Variants in LAMA3 observed in about 807,000 individuals in gnomAD.
The protein encoded by LAMA3 is laminin subunit alpha 3, also known as laminin subunit alpha-3.
Under a neutral mutation model 402.0 loss-of-function variants are expected in LAMA3, and 281 were observed. The ratio of observed to expected loss-of-function variants is 0.70; its 90% CI spans 0.63 to 0.77. The LOEUF (loss-of-function observed/expected upper bound fraction) is 0.77, where lower values mean the gene tolerates loss of function less well. LAMA3 is among the 30% of genes least tolerant of loss of function. The probability of loss-of-function intolerance (pLI) is 0.00; values close to 1 mark genes in which losing one functional copy is unlikely to be tolerated. For synonymous variants in LAMA3, 1,431 were observed against 1,558.4 expected (o/e 0.92, Z 1.93); for missense variants, 3,840 against 4,215.5 (o/e 0.91, Z 2.47).
chr18:23,915,003 C>T (rs1006737273), intron 58 of LAMA3, 143 bp downstream of exon 58: 2 of 769,262 alleles, frequency 2.6e-6, no homozygotes, highest in East Asian at 2.7e-5. Flanking sequence ...TACTAGCTAA[C>T]ACTTATTGAG....
chr18:23,954,355 A>G, intron 74 of LAMA3, 148 bp from the exon 75 acceptor site: 1 of 685,436 alleles, frequency 1.5e-6, no homozygotes, highest in South Asian at 1.8e-5. Flanking sequence ...GAGAGCTGTG[A>G]TCACACTACT....
At chr18:23,928,489 A>G (rs2082072623) in intron 63 of LAMA3, 136 bp from the exon 64 acceptor site, 5 of 964,282 alleles carry the variant, frequency 5.2e-6, no homozygotes, top group Non-Finnish European at 6.7e-6. Context: ...ATTATGCAGA[A>G]AAGTAAGCTC....
At chr18:23,761,366 C>A (rs1426698825) in intron 7 of LAMA3, among the ~76,000 whole-genome samples, 1 of 152,212 alleles carries the variant, frequency 6.6e-6, no homozygotes, top group African/African-American at 2.4e-5. Context: ...AGATTATTCC[C>A]ATACGATTAC....
At chr18:23,799,787 C>G (rs1034691116) in intron 12 of LAMA3, among the ~76,000 whole-genome samples, 3 of 152,050 alleles carry the variant, frequency 2.0e-5, no homozygotes, top group Non-Finnish European at 4.4e-5. Context: ...CATGCGATTG[C>G]GAGGGCTGAC....
intron 72 of LAMA3, 112 bp downstream of exon 72, chr18:23,950,271 G>A (rs1369282560): frequency 8.3e-7 from 1 of 1,200,748 alleles, no homozygotes; most frequent in Non-Finnish European, 1.2e-6. Context: ...TTGTATTTAA[G>A]AGCCTTGACT....
chr18:23,849,134 G>GT (rs2063889089), intron 32 of LAMA3, among the ~76,000 whole-genome samples: 1 of 152,218 alleles, frequency 6.6e-6, no homozygotes, highest in Non-Finnish European at 1.5e-5. Context: ...TTCTCAGGTA[G>GT]TGGGGGGTAG....
chr18:23,709,320 A>C (rs553200965), intron 1 of LAMA3, among the ~76,000 whole-genome samples: 1 of 151,898 alleles, frequency 6.6e-6, no homozygotes, highest in East Asian at 1.9e-4. Context: ...CAATCTGCCC[A>C]TCTTGGCCTC....
chr18:23,842,863 T>G, intron 29 of LAMA3, 113 bp downstream of exon 29: 1 of 1,359,086 alleles, frequency 7.4e-7, no homozygotes, highest in East Asian at 2.3e-5. Flanking sequence ...GTCATATTTG[T>G]AGAAAAATGT....
intron 62 of LAMA3, among the ~76,000 whole-genome samples, chr18:23,927,708 G>T (rs1324540131): frequency 6.6e-6 from 1 of 152,084 alleles, no homozygotes; most frequent in Non-Finnish European, 1.5e-5. Context: ...AGCACTCCTG[G>T]TTCCTACAAA....
rs1283547413 is a variant in LAMA3 at position 23,689,801 on chromosome 18, G to C, written c.118G>C (p.Gly40Arg). ...CTGCGGGGCGACCGCTCGGGATCCC[G>C]GGGCCGCGGCCGGGCTCAGCCTTCA... ...PACGATARDP[G>R]AAAGLSLHPT... Residue 40 changes from glycine to arginine, a missense_variant, in exon 1 of 75, where the codon GGG (glycine) becomes CGG (arginine). Physicochemically the swap from Gly to Arg is moderately radical, Grantham distance 125. This residue lies in a region of LAMA3 where 2,109 missense variants were observed against 2,376.0 expected (regional missense o/e 0.89). Coordinates refer to ENST00000313654, the MANE Select transcript of LAMA3 (RefSeq NM_198129.4). 2.0e-6 allele frequency: 3 copies of C among 1,536,574 alleles called. No homozygotes were observed. The highest frequency in any genetic ancestry group is 1.8e-6 in the Non-Finnish European group (2 of 1,142,062).
At chr18:23,855,783 A>G (rs2064063701) in intron 32 of LAMA3, among the ~76,000 whole-genome samples, 1 of 152,156 alleles carries the variant, frequency 6.6e-6, no homozygotes, top group Non-Finnish European at 1.5e-5. Context: ...CTATACCTAC[A>G]TTACTCTAAG....
intron 14 of LAMA3, 130 bp downstream of exon 14, chr18:23,813,233 G>A: frequency 1.5e-6 from 1 of 656,752 alleles, no homozygotes; most frequent in Non-Finnish European, 2.7e-6. Flanking sequence ...AGAGGTCATT[G>A]TTGTTTTTCA....
intron 6 of LAMA3, 94 bp from the exon 7 acceptor site, chr18:23,758,302 C>A (rs764575126): frequency 6.1e-6 from 5 of 822,742 alleles, no homozygotes; most frequent in Non-Finnish European, 1.0e-5. Flanking sequence ...CGTGGATGAC[C>A]GTGATGACTC....
intron 39 of LAMA3, among the ~76,000 whole-genome samples, chr18:23,876,900 A>C (rs2064737955): frequency 6.6e-6 from 1 of 152,200 alleles, no homozygotes; most frequent in South Asian, 2.1e-4. Context: ...AGGTGCCTGT[A>C]ATCCCAGCTA....
chr18:23,899,619 T>C (rs2081000399), intron 47 of LAMA3, 164 bp downstream of exon 47: 1 of 707,398 alleles, frequency 1.4e-6, no homozygotes, highest in African/African-American at 1.8e-5. Context: ...CCCCCAGGAG[T>C]CCCAGGTTAC....
rs559257216 is a variant in LAMA3 at position 23,928,445 on chromosome 18, A to G, written c.8296-180A>G. Reference sequence around the variant, plus strand: ...TTGTAGGAAAGTAGGAAGACCAACTATATACACAAAAACTTACAGATGATT... The same window carrying G: ...TTGTAGGAAAGTAGGAAGACCAACTGTATACACAAAAACTTACAGATGATT... On this transcript the variant is annotated intron_variant, in intron 63 of 74. Coordinates refer to ENST00000313654, the MANE Select transcript of LAMA3 (RefSeq NM_198129.4). Among the ~76,000 whole-genome samples the G allele has an allele frequency of 6.6e-5, 10 of 152,364 alleles. No individual in the cohort carries two copies. In the South Asian group the frequency reaches 2.1e-3, roughly 32 times the overall value.
chr18:23,880,868 ATCTG>A (rs2064873127), intron 39 of LAMA3, among the ~76,000 whole-genome samples: 1 of 152,192 alleles, frequency 6.6e-6, no homozygotes, highest in Non-Finnish European at 1.5e-5. Context: ...CAGCACAAGA[ATCTG>A]TCTGAAAACA....
At chr18:23,816,826 A>ACAGATAGGC (rs2063185075) in intron 18 of LAMA3, among the ~76,000 whole-genome samples, 1 of 152,170 alleles carries the variant, frequency 6.6e-6, no homozygotes, top group Non-Finnish European at 1.5e-5. Flanking sequence ...GGAGGAGCCC[A>ACAGATAGGC]CAGATAGGCC....
At chr18:23,908,076 T>G (rs1297836039) in intron 54 of LAMA3, 141 bp downstream of exon 54, 2 of 811,376 alleles carry the variant, frequency 2.5e-6, no homozygotes, top group East Asian at 5.1e-5. Context: ...ACAGGATATA[T>G]TCAAAGCGTA....
Sources: gnomAD v4.1 joint callset for allele counts (sites outside exome capture counted in the v4.1 genomes callset) on GRCh38, gnomAD v4.1.1 for gene constraint, gnomAD v4.1.1 regional missense constraint, MANE v1.5 for transcripts, NCBI Gene and HGNC (gene_info 2026-07-23, HGNC 2026-07-21) for gene names.